Variants in SMAD3 observed in about 807,000 individuals in gnomAD.
SMAD3 encodes the protein SMAD family member 3, also known as MAD homolog 3.
Under a neutral mutation model 51.8 loss-of-function variants are expected in SMAD3, and 12 were observed. The ratio of observed to expected loss-of-function variants is 0.23; its 90% CI spans 0.15 to 0.38. The LOEUF is 0.38. Among genes scored for constraint, SMAD3 ranks in the 10% least tolerant of loss-of-function variants. The pLI is 1.00. For missense variants in SMAD3, 294 were observed against 565.6 expected, an observed-to-expected ratio of 0.52 and a Z score of 4.87; for synonymous variants, 238 against 227.7, an observed-to-expected ratio of 1.05 and a Z score of -0.41.
chr15:67,168,805 G>C (rs1469796064), intron 4 of SMAD3, among the ~76,000 whole-genome samples: 1 of 152,134 alleles, frequency 6.6e-6, no homozygotes, highest in Admixed American at 6.5e-5. Flanking sequence ...CAGTGTGTGG[G>C]TGGGGGCTCT....
At chr15:67,067,561 A>G (rs1595882863) in intron 1 of SMAD3, among the ~76,000 whole-genome samples, 4 of 151,952 alleles carry the variant, frequency 2.6e-5, no homozygotes. Flanking sequence ...GCCAGGGTGG[A>G]CTCCATCCTT....
intron 1 of SMAD3, chr15:67,098,997 G>A (rs1311224340): frequency 2.8e-6 from 2 of 702,442 alleles, no homozygotes; most frequent in African/African-American, 1.7e-5. Context: ...TGTGGACAGA[G>A]CGTATGTCCT....
At chr15:67,122,300 G>T (rs1393776984) in intron 1 of SMAD3, among the ~76,000 whole-genome samples, 1 of 152,218 alleles carries the variant, frequency 6.6e-6, no homozygotes, top group Non-Finnish European at 1.5e-5. Context: ...TCTTCAGTTA[G>T]CCTGGGGGTA....
rs372633359 is a variant in SMAD3 at position 67,192,987 on chromosome 15, C to T, written c.*2451C>T. 1 of 233,036 alleles carries T rather than the reference C, an allele frequency of 4.3e-6. No homozygotes were observed. The highest frequency in any genetic ancestry group is 1.8e-4 in the South Asian group (1 of 5,514). The allele number at this position is 233,036 out of a possible 1,614,324, so 14.4% of individuals were successfully genotyped here. A position where few individuals can be genotyped will look rare whatever the true frequency, so the allele number is the denominator to read the frequency against. ...GAGGATGTGTGGGATTGTAGGCAAA[C>T]CCACCTGTGGCATCACTGAAAATAA... is the stretch of plus-strand genomic sequence containing the variant. On this transcript the variant is annotated 3_prime_UTR_variant, in exon 9 of 9. Transcript: ENST00000327367.
At chr15:67,190,364 TG>T (rs1963329324) in intron 8 of SMAD3, 48 bp from the exon 9 acceptor site, 34 of 1,576,500 alleles carry the variant, frequency 2.2e-5, no homozygotes, top group Non-Finnish European at 3.0e-5. Context: ...TGTAACCCCC[TG>T]GAGATTTTTT....
At chr15:67,178,677 T>TTG (rs1962971084) in intron 5 of SMAD3, among the ~76,000 whole-genome samples, 1 of 151,294 alleles carries the variant, frequency 6.6e-6, no homozygotes, top group East Asian at 1.9e-4. Flanking sequence ...ACTTGGATTT[T>TTG]TTTTTTTTAA....
At chr15:67,124,236 G>A (rs993367529) in intron 1 of SMAD3, among the ~76,000 whole-genome samples, 1 of 152,152 alleles carries the variant, frequency 6.6e-6, no homozygotes, top group Admixed American at 6.5e-5. Flanking sequence ...TGATCCTCCC[G>A]CCTCAGCTTC....
intron 1 of SMAD3, among the ~76,000 whole-genome samples, chr15:67,086,392 T>G (rs1227888310): frequency 6.6e-6 from 1 of 152,180 alleles, no homozygotes; most frequent in Non-Finnish European, 1.5e-5. Flanking sequence ...GCCTAAGAAA[T>G]CTGATGGGAC....
At chr15:67,180,315 A>G (rs139899275) in intron 5 of SMAD3, among the ~76,000 whole-genome samples, 2,315 of 152,118 alleles carry the variant, frequency 0.015, 26 homozygotes, top group Non-Finnish European at 0.023. Flanking sequence ...TGCCAGGGCC[A>G]CTGGGCCGGG....
intron 3 of SMAD3, among the ~76,000 whole-genome samples, chr15:67,165,773 C>T (rs777903776): frequency 1.3e-5 from 2 of 152,314 alleles, no homozygotes; most frequent in East Asian, 1.9e-4. Context: ...GCAGCAAGTG[C>T]GGAGAGCTGG....
intron 6 of SMAD3, among the ~76,000 whole-genome samples, chr15:67,183,056 C>A (rs1314742729): frequency 1.6e-5 from 1 of 62,444 alleles, no homozygotes; most frequent in African/African-American, 6.8e-5. Flanking sequence ...TTTTTTGGAG[C>A]GGGGAGACCA....
At position 67,112,759 on chromosome 15, in the gene SMAD3, G is replaced by T. The variant is rs1286262306; in HGVS notation, c.206+46399G>T. 4.5e-5 allele frequency among the ~76,000 whole-genome samples: 6 copies of T among 132,138 alleles called. 1 individual carries two copies. The highest frequency in any genetic ancestry group is 9.4e-5 in the Non-Finnish European group (6 of 64,162). The allele number at this position is 132,138 out of a possible 152,430, so 86.7% of individuals were successfully genotyped here. A position where few individuals can be genotyped will look rare whatever the true frequency, so the allele number is the denominator to read the frequency against. On this transcript the variant is annotated intron_variant, in intron 1 of 8. Transcript: ENST00000327367. Reference sequence around the variant, plus strand: ...TTTACTCCCTTGCATTCTTCTAAGAGTTTTATAATTTTAGCTCTTATATTT... The same window carrying T: ...TTTACTCCCTTGCATTCTTCTAAGATTTTTATAATTTTAGCTCTTATATTT...
chr15:67,099,907 C>T (rs1424313292), intron 1 of SMAD3, among the ~76,000 whole-genome samples: 2 of 152,158 alleles, frequency 1.3e-5, no homozygotes, highest in African/African-American at 2.4e-5. Context: ...CGTGGCCGGG[C>T]GCAGTGGCTT....
chr15:67,093,131 C>G (rs1465841), intron 1 of SMAD3, among the ~76,000 whole-genome samples: 85,029 of 152,048 alleles, frequency 0.56, 24,185 homozygotes, highest in South Asian at 0.75. Flanking sequence ...CATGTCTAGC[C>G]ACTTGTTAGA....
Position 67,183,031 on chromosome 15 carries a change from A to ATTTTTTTTTTTTT in SMAD3, c.871+1586_871+1598dup, listed in dbSNP as rs57749736. On this transcript the variant is annotated intron_variant, in intron 6 of 8. Coordinates refer to ENST00000327367, the MANE Select transcript of SMAD3 (RefSeq NM_005902.4). ...TATATATATATATATATATATATAT[A>ATTTTTTTTTTTTT]TTTTTTTTTTTTTTTTTTTTGGAGC... is the stretch of plus-strand genomic sequence containing the variant. Among the ~76,000 whole-genome samples the ATTTTTTTTTTTTT allele has an allele frequency of 2.4e-4, 7 of 29,702 alleles. 1 individual carries two copies. Among genetic ancestry groups the ATTTTTTTTTTTTT allele is most frequent in the African/African-American group, 1.2e-3 (7 of 6,010 alleles). The allele number at this position is 29,702 out of a possible 152,430, so 19.5% of individuals were successfully genotyped here.
At chr15:67,152,745 T>C (rs1962180301) in intron 1 of SMAD3, among the ~76,000 whole-genome samples, 1 of 152,236 alleles carries the variant, frequency 6.6e-6, no homozygotes, top group African/African-American at 2.4e-5. Flanking sequence ...CAGATCTTTG[T>C]AGCATCTTTT....
At chr15:67,189,254 G>T (rs1963299685) in intron 8 of SMAD3, among the ~76,000 whole-genome samples, 1 of 152,138 alleles carries the variant, frequency 6.6e-6, no homozygotes, top group African/African-American at 2.4e-5. Context: ...CCACACTCAG[G>T]TACCCTCGCT....
chr15:67,166,944 C>G, intron 4 of SMAD3, 91 bp downstream of exon 4: 1 of 988,928 alleles, frequency 1.0e-6, no homozygotes, highest in Non-Finnish European at 1.6e-6. Flanking sequence ...CCTCTCCCTC[C>G]CTCCCTTCTA....
intron 1 of SMAD3, among the ~76,000 whole-genome samples, chr15:67,127,155 A>C (rs958294093): frequency 2.0e-5 from 3 of 152,200 alleles, no homozygotes; most frequent in African/African-American, 7.2e-5. Flanking sequence ...ACACCGGCAT[A>C]AACCCAGGTG....
Sources: gnomAD v4.1 joint callset for allele counts (sites outside exome capture counted in the v4.1 genomes callset) on GRCh38, gnomAD v4.1.1 for gene constraint, MANE v1.5 for transcripts, NCBI Gene and HGNC (gene_info 2026-07-23, HGNC 2026-07-21) for gene names.